PTPRD: variants seen among roughly 807,000 people sequenced by gnomAD.
PTPRD encodes protein tyrosine phosphatase receptor type D, also known as receptor-type tyrosine-protein phosphatase delta.
Under a neutral mutation model 214.5 loss-of-function variants are expected in PTPRD, and 34 were observed. The ratio of observed to expected loss-of-function variants is 0.16; its 90% CI spans 0.12 to 0.21. PTPRD has a LOEUF of 0.21. PTPRD is among the 10% of genes least tolerant of loss of function. The pLI is 1.00. For synonymous variants in PTPRD, 1,128 were observed against 845.7 expected (o/e 1.33, Z -5.79); for missense variants, 2,545 against 2,398.7 (o/e 1.06, Z -1.27).
At chr9:9,890,353 G>A (rs898083644) in intron 5 of PTPRD, among the ~76,000 whole-genome samples, 17 of 151,438 alleles carry the variant, frequency 1.1e-4, no homozygotes, top group Non-Finnish European at 1.2e-4. Flanking sequence ...TTCCCTCCAC[G>A]CCTGGCTATT....
At chr9:8,839,807 GACAA>G (rs34241601) in intron 11 of PTPRD, among the ~76,000 whole-genome samples, 94,258 of 151,502 alleles carry the variant, frequency 0.62, 29,571 homozygotes, top group Middle Eastern at 0.78. Flanking sequence ...CCCAACAAAA[GACAA>G]ACAGACACAT....
rs72692938 is a variant in PTPRD at position 8,458,341 on chromosome 9, C to G, written c.3875+2070G>C. ...TTTCTTCAAATTTACATGACTGATT[C>G]ACAAATACCATATACATCTGTTGCT... On this transcript the variant is annotated intron_variant, in intron 33 of 45. Coordinates refer to ENST00000381196, the MANE Select transcript of PTPRD (RefSeq NM_002839.4). Among the ~76,000 whole-genome samples the G allele has an allele frequency of 6.0e-3, 906 of 152,126 alleles. 4 individuals are homozygous for G. Among genetic ancestry groups the G allele is most frequent in the African/African-American group, 0.014 (589 of 41,502 alleles).
At chr9:10,490,620 T>C (rs1380811952) in intron 2 of PTPRD, among the ~76,000 whole-genome samples, 1 of 152,166 alleles carries the variant, frequency 6.6e-6, no homozygotes, top group Non-Finnish European at 1.5e-5. Context: ...TGCAATCTGG[T>C]CTCAATTTGC....
intron 9 of PTPRD, among the ~76,000 whole-genome samples, chr9:9,242,984 G>A (rs2099971145): frequency 6.6e-6 from 1 of 152,010 alleles, no homozygotes; most frequent in African/African-American, 2.4e-5. Flanking sequence ...ATCTGCTTTT[G>A]GTCTTTGATG....
intron 9 of PTPRD, among the ~76,000 whole-genome samples, chr9:9,230,980 A>G (rs1413650609): frequency 6.6e-6 from 1 of 151,942 alleles, no homozygotes; most frequent in Non-Finnish European, 1.5e-5. Flanking sequence ...CCAATCTCAC[A>G]CTTGCTTAAT....
At chr9:9,446,408 G>A (rs1288859381) in intron 8 of PTPRD, among the ~76,000 whole-genome samples, 1 of 152,120 alleles carries the variant, frequency 6.6e-6, no homozygotes, top group Admixed American at 6.6e-5. Flanking sequence ...AAATCCCACT[G>A]TAAGAATGCT....
At chr9:10,111,232 T>C (rs1238329250) in intron 3 of PTPRD, among the ~76,000 whole-genome samples, 928 of 50,422 alleles carry the variant, frequency 0.018, 18 homozygotes, top group African/African-American at 0.049. Context: ...TTAGTTTCTT[T>C]TTTTTTTTTT....
At position 9,828,052 on chromosome 9, in the gene PTPRD, G is replaced by C. The variant is rs562253870; in HGVS notation, c.-367-61201C>G. Among the ~76,000 whole-genome samples, 6 of 152,232 alleles carry C rather than the reference G, an allele frequency of 3.9e-5. No individual in the cohort carries two copies. In the South Asian group the frequency reaches 1.0e-3, roughly 26 times the overall value. On this transcript the variant is annotated intron_variant, in intron 5 of 45. Coordinates refer to ENST00000381196, the MANE Select transcript of PTPRD (RefSeq NM_002839.4). Reference sequence around the variant, plus strand: ...GAAATAGGAACACTTTTACACTGTTGGTGGGACTGTAAACTAGCTCAACCC... The same window carrying C: ...GAAATAGGAACACTTTTACACTGTTCGTGGGACTGTAAACTAGCTCAACCC...
intron 2 of PTPRD, among the ~76,000 whole-genome samples, chr9:10,495,188 G>A (rs1424836860): frequency 6.6e-6 from 1 of 151,806 alleles, no homozygotes; most frequent in Non-Finnish European, 1.5e-5. Flanking sequence ...GAATAAGAGA[G>A]AGAAATGGAG....
chr9:10,489,269 G>A (rs899522794), intron 2 of PTPRD, among the ~76,000 whole-genome samples: 4 of 152,132 alleles, frequency 2.6e-5, no homozygotes, highest in East Asian at 1.9e-4. Flanking sequence ...GCTAGGGCCT[G>A]GAAAGGGGAC....
intron 9 of PTPRD, among the ~76,000 whole-genome samples, chr9:9,302,368 A>G (rs1398787734): frequency 6.6e-6 from 1 of 151,892 alleles, no homozygotes; most frequent in Non-Finnish European, 1.5e-5. Context: ...ATTGATAGGC[A>G]GCTCTCTTTG....
At chr9:9,928,611 C>T (rs1035700251) in intron 5 of PTPRD, among the ~76,000 whole-genome samples, 2 of 152,028 alleles carry the variant, frequency 1.3e-5, no homozygotes, top group Non-Finnish European at 2.9e-5. Context: ...TGGAAAAATC[C>T]ATTACTACTG....
intron 11 of PTPRD, among the ~76,000 whole-genome samples, chr9:8,762,604 C>T (rs888891464): frequency 6.6e-6 from 1 of 152,136 alleles, no homozygotes; most frequent in African/African-American, 2.4e-5. Flanking sequence ...CGGGCTCCTT[C>T]AATAGAAAAC....
chr9:8,746,935 T>G (rs1598587549), intron 11 of PTPRD, among the ~76,000 whole-genome samples: 1 of 152,090 alleles, frequency 6.6e-6, no homozygotes, highest in African/African-American at 2.4e-5. Context: ...CTAAAATGAG[T>G]AGGAATAGGT....
At chr9:8,641,991 G>A (rs777051882) in intron 12 of PTPRD, among the ~76,000 whole-genome samples, 23 of 152,254 alleles carry the variant, frequency 1.5e-4, no homozygotes, top group Non-Finnish European at 2.2e-4. Context: ...ACAAACTGCC[G>A]TACTGAGGAC....
chr9:8,998,987 C>T (rs1025155957), intron 11 of PTPRD, among the ~76,000 whole-genome samples: 39 of 151,968 alleles, frequency 2.6e-4, no homozygotes, highest in South Asian at 2.1e-4. Flanking sequence ...TTGCTACAGT[C>T]CCATGATAAA....
At chr9:8,819,903 A>C (rs1177245717) in intron 11 of PTPRD, among the ~76,000 whole-genome samples, 1 of 152,086 alleles carries the variant, frequency 6.6e-6, no homozygotes, top group African/African-American at 2.4e-5. Context: ...CCTTGTCCAC[A>C]CAATCATATG....
At chr9:9,853,660 T>G (rs2060977971) in intron 5 of PTPRD, among the ~76,000 whole-genome samples, 1 of 152,108 alleles carries the variant, frequency 6.6e-6, no homozygotes, top group South Asian at 2.1e-4. Flanking sequence ...GCAATTCTCC[T>G]GCCTCAGCCT....
At chr9:8,973,066 T>C (rs1326576743) in intron 11 of PTPRD, among the ~76,000 whole-genome samples, 1 of 151,902 alleles carries the variant, frequency 6.6e-6, no homozygotes, top group Admixed American at 6.6e-5. Flanking sequence ...ATGTGCATTA[T>C]GATTCAAATT....
Sources: gnomAD v4.1 joint callset for allele counts (sites outside exome capture counted in the v4.1 genomes callset) on GRCh38, gnomAD v4.1.1 for gene constraint, MANE v1.5 for transcripts, NCBI Gene and HGNC (gene_info 2026-07-23, HGNC 2026-07-21) for gene names.